ILDR2: variants seen among roughly 807,000 people sequenced by gnomAD.
ILDR2 encodes immunoglobulin-like domain-containing receptor 2.
ILDR2 carries 25 observed loss-of-function variants against 66.8 expected under a neutral mutation model. That is an observed-to-expected ratio of 0.37 (90% CI 0.27 to 0.52). ILDR2 has a LOEUF of 0.52. ILDR2 is among the 20% of genes least tolerant of loss of function. The probability of loss-of-function intolerance (pLI) is 0.88; values close to 1 mark genes in which losing one functional copy is unlikely to be tolerated. For synonymous variants in ILDR2, 367 were observed against 357.2 expected (o/e 1.03, Z -0.31); for missense variants, 827 against 876.8 (o/e 0.94, Z 0.72).
downstream of ILDR2, among the ~76,000 whole-genome samples, chr1:166,907,541 C>A (rs1659369760): frequency 6.6e-6 from 1 of 152,152 alleles, no homozygotes; most frequent in Non-Finnish European, 1.5e-5. Flanking sequence ...CTCCCCACTC[C>A]ACAATCTGTT....
At chr1:166,943,336 C>CA (rs1469552068) in intron 3 of ILDR2, among the ~76,000 whole-genome samples, 1 of 151,618 alleles carries the variant, frequency 6.6e-6, no homozygotes, top group African/African-American at 2.4e-5. Flanking sequence ...ACTAAAAATA[C>CA]AAAAAATTAG....
chr1:166,962,005 T>C (rs902956576), intron 1 of ILDR2, among the ~76,000 whole-genome samples: 1 of 152,072 alleles, frequency 6.6e-6, no homozygotes, highest in Non-Finnish European at 1.5e-5. Context: ...AAGCTAAAGG[T>C]AGATCTGGAG....
At chr1:166,954,954 A>G (rs1449494808) in intron 3 of ILDR2, among the ~76,000 whole-genome samples, 2 of 152,218 alleles carry the variant, frequency 1.3e-5, no homozygotes, top group African/African-American at 2.4e-5. Context: ...ACAGGCAACT[A>G]CTTCTCTGCA....
intron 6 of ILDR2, among the ~76,000 whole-genome samples, chr1:166,929,285 C>G (rs985612436): frequency 1.3e-5 from 2 of 152,240 alleles, no homozygotes; most frequent in South Asian, 2.1e-4. Flanking sequence ...AGGAGCTGCT[C>G]AAATGCTGCC....
At chr1:166,975,088 C>G (rs1262753302) in intron 1 of ILDR2, 135 bp downstream of exon 1, 3 of 685,678 alleles carry the variant, frequency 4.4e-6, no homozygotes, top group Non-Finnish European at 7.9e-6. Context: ...CCCCCTCCCC[C>G]ACTTTCCACC....
intron 3 of ILDR2, among the ~76,000 whole-genome samples, chr1:166,947,707 A>G (rs566409414): frequency 2.2e-4 from 34 of 152,048 alleles, no homozygotes; most frequent in Non-Finnish European, 4.4e-4. Flanking sequence ...ACCCGACTAC[A>G]ATGCAGCGCG....
In ILDR2 at chr1:166,917,207, T is replaced by G. The variant is rs1659677025; in HGVS notation, c.*2148A>C. The G allele has an allele frequency of 6.6e-6, 1 of 152,380 alleles. No individual in the cohort carries two copies. The highest frequency in any genetic ancestry group is 1.5e-5 in the Non-Finnish European group (1 of 68,074). 9.4% of individuals were successfully genotyped at this position (152,380 alleles called of 1,614,324 possible). A position where few individuals can be genotyped will look rare whatever the true frequency, so the allele number is the denominator to read the frequency against. On this transcript the variant is annotated 3_prime_UTR_variant, in exon 10 of 10. Transcript: ENST00000271417. ...TGGAAGTGCCAGCACTGGGTTCAAC[T>G]GTTCTCCTGATTTCTCTGGGACTGG...
At chr1:166,927,030 A>G in intron 7 of ILDR2, 37 bp downstream of exon 7, 2 of 1,467,642 alleles carry the variant, frequency 1.4e-6, no homozygotes, top group South Asian at 2.3e-5. Flanking sequence ...TAACTCCTGC[A>G]TAATGCACAG....
In ILDR2 at chr1:166,957,881, G is replaced by A. The variant is rs1662375370; in HGVS notation, c.267C>T (p.Pro89=). Reference sequence around the variant, plus strand: ...TCCTGCTGTCCAAACAATCCAAGTAGGGGTCCCATTCCAGGTTTCTCTTGC... The same window carrying A: ...TCCTGCTGTCCAAACAATCCAAGTAAGGGTCCCATTCCAGGTTTCTCTTGC... The part of the protein sequence containing the change: ...SLSKRNLEWD[P]YLDCLDSRRT... The change falls in exon 2 of 10, where the codon CCC becomes CCT. Residue 89 remains proline, a synonymous_variant. Transcript: ENST00000271417. The A allele has an allele frequency of 6.2e-7, 1 of 1,614,164 alleles. No homozygotes were observed. The highest frequency in any genetic ancestry group is 8.5e-7 in the Non-Finnish European group (1 of 1,180,026).
Position 166,918,512 on chromosome 1 carries a change from A to C in ILDR2, c.*843T>G, listed in dbSNP as rs1475857516. The C allele has an allele frequency of 1.3e-5, 2 of 152,216 alleles. No homozygotes were observed. Among genetic ancestry groups the C allele is most frequent in the Non-Finnish European group, 2.9e-5 (2 of 68,060 alleles). The allele number at this position is 152,216 out of a possible 1,614,324, so 9.4% of individuals were successfully genotyped here. ...CATTTATCACAAGGCATTCAATGAC[A>C]ATCTAATCAGAGTGCAGAGGGAGGC... On this transcript the variant is annotated 3_prime_UTR_variant, in exon 10 of 10. Coordinates refer to ENST00000271417, the MANE Select transcript of ILDR2 (RefSeq NM_199351.3).
intron 2 of ILDR2, among the ~76,000 whole-genome samples, chr1:166,899,676 T>C (rs1271360700): frequency 6.6e-6 from 1 of 152,254 alleles, no homozygotes; most frequent in Non-Finnish European, 1.5e-5. Context: ...ATGGCTCAGT[T>C]GATACCAAAC....
At chr1:166,924,040 A>G (rs1169516743) in intron 7 of ILDR2, among the ~76,000 whole-genome samples, 4 of 150,346 alleles carry the variant, frequency 2.7e-5, no homozygotes, top group Non-Finnish European at 4.4e-5. Context: ...GAGGAACGGG[A>G]TTTTTGCACA....
At chr1:166,963,542 T>G (rs1662749363) in intron 1 of ILDR2, among the ~76,000 whole-genome samples, 1 of 152,164 alleles carries the variant, frequency 6.6e-6, no homozygotes, top group African/African-American at 2.4e-5. Context: ...AACTAAATGG[T>G]CTTCCTACTT....
chr1:166,922,583 C>G lies in ILDR2; in HGVS notation c.1211+10G>C. ...TCACACCGACCAGACCTGCCCCTCA[C>G]AGCCATCACCTGTGCCTGAAGCTCT... On this transcript the variant is annotated intron_variant, in intron 8 of 9. Transcript: ENST00000271417. 1 of 1,612,298 alleles carries G rather than the reference C, an allele frequency of 6.2e-7. No homozygotes were observed. The highest frequency in any genetic ancestry group is 8.5e-7 in the Non-Finnish European group (1 of 1,179,176).
Position 166,957,823 on chromosome 1 carries a change from A to T in ILDR2, c.325T>A (p.Ser109Thr), listed in dbSNP as rs1185139818. The T allele has an allele frequency of 1.2e-6, 2 of 1,614,048 alleles. No individual in the cohort carries two copies. Among genetic ancestry groups the T allele is most frequent in the South Asian group, 2.2e-5 (2 of 91,090 alleles). Reference protein sequence around the residue: ...TVRVVASKQGSTVTLGDFYRG... With the variant: ...TVRVVASKQGTTVTLGDFYRG... Reference sequence around the variant, plus strand: ...TAGAAATCTCCCAGGGTGACAGTCGAGCCCTGTTTTGAAGCTACTACTCGA... The same window carrying T: ...TAGAAATCTCCCAGGGTGACAGTCGTGCCCTGTTTTGAAGCTACTACTCGA... The change falls in exon 2 of 10, where the codon TCG (serine) becomes ACG (threonine). Residue 109 changes from serine to threonine, a missense_variant. Around this residue, in one of 2 missense-constraint regions of ILDR2, gnomAD observed 437 missense variants for 523.2 expected, o/e 0.84. Transcript: ENST00000271417.
At chr1:166,901,375 A>G (rs766560023) in intron 2 of ILDR2, among the ~76,000 whole-genome samples, 2 of 152,144 alleles carry the variant, frequency 1.3e-5, no homozygotes, top group Non-Finnish European at 2.9e-5. Context: ...GCTCATCTCC[A>G]TGGCCAACTA....
At chr1:166,920,178 C>G (rs1354927732) in intron 9 of ILDR2, among the ~76,000 whole-genome samples, 1 of 152,184 alleles carries the variant, frequency 6.6e-6, no homozygotes, top group African/African-American at 2.4e-5. Context: ...AATAAAACAT[C>G]AAAAGAGGAC....
intron 6 of ILDR2, chr1:166,933,421 G>T (rs1334003054): frequency 4.2e-6 from 1 of 238,772 alleles, no homozygotes; most frequent in East Asian, 1.8e-4. Flanking sequence ...GATAACAGAA[G>T]AAAAGACAGA....
rs1256412755 is a variant in ILDR2, at chr1:166,909,777, AT to A, written c.*9577del. The A allele has an allele frequency of 3.4e-4, 16 of 47,212 alleles. No homozygotes were observed. Among genetic ancestry groups the A allele is most frequent in the African/African-American group, 1.1e-3 (13 of 12,176 alleles). 2.9% of individuals were successfully genotyped at this position (47,212 alleles called of 1,614,324 possible). Reference sequence around the variant, plus strand: ...TATATATAAATATATATAAATATATATATTTATATATATATATATATATATA... The same window carrying A: ...TATATATAAATATATATAAATATATAATTTATATATATATATATATATATA... On this transcript the variant is annotated 3_prime_UTR_variant, in exon 10 of 10. Transcript: ENST00000271417.
Sources: gnomAD v4.1 joint callset for allele counts (sites outside exome capture counted in the v4.1 genomes callset) on GRCh38, gnomAD v4.1.1 for gene constraint, gnomAD v4.1.1 regional missense constraint, MANE v1.5 for transcripts, NCBI Gene and HGNC (gene_info 2026-07-23, HGNC 2026-07-21) for gene names.